Variants in SAMD4A observed in about 807,000 individuals in gnomAD.
The protein encoded by SAMD4A is protein Smaug homolog 1.
A neutral mutation model predicts 81.3 loss-of-function variants in SAMD4A; 33 were observed. That is an observed-to-expected ratio of 0.41 (90% CI 0.31 to 0.54). The LOEUF (loss-of-function observed/expected upper bound fraction) is 0.54. Among genes scored for constraint, SAMD4A ranks in the 20% least tolerant of loss-of-function variants. SAMD4A has a pLI of 0.37. For missense variants in SAMD4A, 854 were observed against 951.1 expected (o/e 0.90, Z 1.34); for synonymous variants, 389 against 382.1 (o/e 1.02, Z -0.21).
chr14:54,633,965 G>A (rs1210214617), intron 2 of SAMD4A, among the ~76,000 whole-genome samples: 1 of 151,924 alleles, frequency 6.6e-6, no homozygotes, highest in Non-Finnish European at 1.5e-5. Context: ...AACAGTATTT[G>A]GCACATAATA....
In SAMD4A at chr14:54,737,561, T is replaced by TTTTTTTTTTTTTTTG. The variant is rs34263162; in HGVS notation, c.979+274_979+275insTTTTTTTTTTTTTTG. Among the ~76,000 whole-genome samples the TTTTTTTTTTTTTTTG allele has an allele frequency of 2.3e-3, 280 of 122,556 alleles. 32 individuals carry two copies. Among genetic ancestry groups the TTTTTTTTTTTTTTTG allele is most frequent in the East Asian group, 7.5e-3 (30 of 3,994 alleles). The allele number at this position is 122,556 out of a possible 152,430, so 80.4% of individuals were successfully genotyped here. A position where few individuals can be genotyped will look rare whatever the true frequency, so the allele number is the denominator to read the frequency against. On this transcript the variant is annotated intron_variant, in intron 4 of 12. Transcript: ENST00000554335. ...CTCTCTCTTTTTTTTTTTTTTTTTT[T>TTTTTTTTTTTTTTTG]GCATTGCAGTGACTTGTAGACCATT...
chr14:54,788,849 G>A lies in SAMD4A; in HGVS notation c.2129-67G>A, dbSNP rs2039207312. 5.6e-6 allele frequency: 9 copies of A among 1,599,148 alleles called. No homozygotes were observed. The South Asian group carries it at 9.9e-5, about 18-fold the overall frequency. On this transcript the variant is annotated intron_variant, in intron 12 of 12. Coordinates refer to ENST00000554335, the MANE Select transcript of SAMD4A (RefSeq NM_015589.6). ...GGGAGGCCCACCGTGCATGGCGTTG[G>A]CATAGGTGGGCACGAACTGGATTGT...
chr14:54,695,138 C>A (rs2036544608), intron 2 of SAMD4A, among the ~76,000 whole-genome samples: 1 of 152,210 alleles, frequency 6.6e-6, no homozygotes, highest in Non-Finnish European at 1.5e-5. Flanking sequence ...GTGATCTTTA[C>A]CAAGTAACCA....
At chr14:54,606,209 G>GTGTGTGTGTGTGTT (rs2034197742) in intron 2 of SAMD4A, among the ~76,000 whole-genome samples, 1 of 147,688 alleles carries the variant, frequency 6.8e-6, no homozygotes, top group South Asian at 2.1e-4. Context: ...GTGTGTGTGT[G>GTGTGTGTGTGTGTT]TGTGCGTGCA....
chr14:54,595,789 A>G (rs1269446337), intron 2 of SAMD4A, among the ~76,000 whole-genome samples: 1 of 152,200 alleles, frequency 6.6e-6, no homozygotes, highest in African/African-American at 2.4e-5. Context: ...AGTGTAAGAA[A>G]AAGATCTTTG....
intron 4 of SAMD4A, among the ~76,000 whole-genome samples, chr14:54,740,991 A>T (rs2037831211): frequency 6.6e-6 from 1 of 152,244 alleles, no homozygotes. Flanking sequence ...AGTGGGAAAC[A>T]ACTGAAATAG....
intron 6 of SAMD4A, chr14:54,754,929 C>A: frequency 2.5e-6 from 2 of 807,286 alleles, no homozygotes; most frequent in Non-Finnish European, 3.0e-6. Context: ...CAATGGGGAG[C>A]TGGGGACGTG....
rs543151685 is a variant in SAMD4A, at chr14:54,730,538, C to G, written c.716-6486C>G. 3.3e-5 allele frequency among the ~76,000 whole-genome samples: 5 copies of G among 152,318 alleles called. No individual in the cohort carries two copies. The South Asian group carries it at 8.3e-4, about 25-fold the overall frequency. On this transcript the variant is annotated intron_variant, in intron 3 of 12. Coordinates refer to ENST00000554335, the MANE Select transcript of SAMD4A (RefSeq NM_015589.6). ...TCCAAAGTCTGTTTAGGGGAATCGT[C>G]TTCTGGTGTCCAGATGTTCTAAGCA...
chr14:54,647,275 C>T (rs779919555), intron 2 of SAMD4A, among the ~76,000 whole-genome samples: 3 of 152,168 alleles, frequency 2.0e-5, no homozygotes, highest in Non-Finnish European at 2.9e-5. Flanking sequence ...GGTGTCATCA[C>T]GTTTAATCAT....
chr14:54,687,439 G>T, intron 2 of SAMD4A: 1 of 422,216 alleles, frequency 2.4e-6, no homozygotes, highest in South Asian at 1.7e-5. Context: ...AGCTGTGTTT[G>T]AAATAAAAAC....
chr14:54,706,312 AG>A (rs1459962532), intron 3 of SAMD4A, among the ~76,000 whole-genome samples: 1 of 145,794 alleles, frequency 6.9e-6, no homozygotes, highest in African/African-American at 2.5e-5. Flanking sequence ...AGAAGAAGAA[AG>A]AAAAAAAAGA....
At chr14:54,644,389 C>T (rs2140396383) in intron 2 of SAMD4A, among the ~76,000 whole-genome samples, 1 of 152,226 alleles carries the variant, frequency 6.6e-6, no homozygotes, top group South Asian at 2.1e-4. Context: ...CGGGTAATAG[C>T]TAACTATTAT....
chr14:54,668,400 G>A (rs1403368243), intron 2 of SAMD4A, among the ~76,000 whole-genome samples: 1 of 152,210 alleles, frequency 6.6e-6, no homozygotes, highest in Non-Finnish European at 1.5e-5. Context: ...CATGATATGT[G>A]AGGCCTGGCA....
intron 2 of SAMD4A, among the ~76,000 whole-genome samples, chr14:54,581,738 T>C (rs1487709162): frequency 6.6e-6 from 1 of 152,230 alleles, no homozygotes; most frequent in Non-Finnish European, 1.5e-5. Flanking sequence ...GTATGGATTA[T>C]TTAAAAATTT....
intron 6 of SAMD4A, among the ~76,000 whole-genome samples, chr14:54,758,969 C>A (rs1460333886): frequency 6.6e-6 from 1 of 152,216 alleles, no homozygotes; most frequent in African/African-American, 2.4e-5. Flanking sequence ...AGCCGCCATG[C>A]CAGGCAGGGC....
intron 2 of SAMD4A, among the ~76,000 whole-genome samples, chr14:54,598,465 T>A (rs1043401922): frequency 1.3e-5 from 2 of 152,218 alleles, no homozygotes; most frequent in East Asian, 3.8e-4. Context: ...TATGAACACA[T>A]CATACTTGGT....
chr14:54,772,874 T>G (rs2038743114), intron 9 of SAMD4A, among the ~76,000 whole-genome samples: 2 of 151,736 alleles, frequency 1.3e-5, no homozygotes, highest in Non-Finnish European at 2.9e-5. Flanking sequence ...GTAGTCAGAT[T>G]GTCCTTCCTC....
intron 3 of SAMD4A, among the ~76,000 whole-genome samples, chr14:54,726,160 C>A (rs995474621): frequency 6.6e-6 from 1 of 152,022 alleles, no homozygotes; most frequent in Non-Finnish European, 1.5e-5. Flanking sequence ...GAAAATGTGC[C>A]TGGAGCTTTC....
At chr14:54,733,496 TA>T (rs1190752822) in intron 3 of SAMD4A, among the ~76,000 whole-genome samples, 2 of 152,202 alleles carry the variant, frequency 1.3e-5, no homozygotes, top group African/African-American at 4.8e-5. Flanking sequence ...CTTTTCAATA[TA>T]ATGAATCCAT....
Sources: allele counts gnomAD v4.1 joint callset (sites outside exome capture counted in the v4.1 genomes callset), GRCh38; gene constraint gnomAD v4.1.1; transcripts MANE v1.5; gene names NCBI Gene and HGNC (gene_info 2026-07-23, HGNC 2026-07-21).